AKT3: variants seen among roughly 807,000 people sequenced by gnomAD.
The protein encoded by AKT3 is RAC-gamma serine/threonine-protein kinase.
AKT3 carries 15 observed loss-of-function variants against 65.3 expected under a neutral mutation model. The ratio of observed to expected loss-of-function variants is 0.23; its 90% CI spans 0.15 to 0.35. The LOEUF (loss-of-function observed/expected upper bound fraction) is 0.35, where lower values mean the gene tolerates loss of function less well. Ranked by LOEUF, AKT3 falls within the 10% of genes least tolerant of loss-of-function variation. The pLI is 1.00. For synonymous variants in AKT3, 206 were observed against 183.8 expected, an observed-to-expected ratio of 1.12 and a Z score of -0.98; for missense variants, 243 against 576.5, an observed-to-expected ratio of 0.42 and a Z score of 5.92.
intron 12 of AKT3, among the ~76,000 whole-genome samples, chr1:243,527,922 CACACACACACACACAG>C (rs1365536285): frequency 0.096 from 8,632 of 89,576 alleles, 530 homozygotes; most frequent in Non-Finnish European, 0.12. Flanking sequence ...CACACACACA[CACACACACACACACAG>C]AGAGAGAGAG....
chr1:243,680,947 T>C (rs929127110), intron 3 of AKT3, among the ~76,000 whole-genome samples: 7 of 152,176 alleles, frequency 4.6e-5, no homozygotes, highest in Admixed American at 4.6e-4. Flanking sequence ...CAGACTAGTC[T>C]AGAGGCATGG....
At chr1:243,636,150 T>C (rs1370692532) in intron 6 of AKT3, among the ~76,000 whole-genome samples, 2 of 152,078 alleles carry the variant, frequency 1.3e-5, no homozygotes, top group African/African-American at 2.4e-5. Context: ...TATTTACTGA[T>C]GCTTGATACA....
chr1:243,593,351 T>G (rs114364112), intron 8 of AKT3, among the ~76,000 whole-genome samples: 1,968 of 152,294 alleles, frequency 0.013, 48 homozygotes, highest in African/African-American at 0.045. Flanking sequence ...ATCTCAAGAA[T>G]GAAGACTGGC....
At chr1:243,752,868 G>C (rs138973931) in intron 2 of AKT3, among the ~76,000 whole-genome samples, 2 of 152,136 alleles carry the variant, frequency 1.3e-5, no homozygotes, top group African/African-American at 4.8e-5. Flanking sequence ...ATGAAAGTGT[G>C]GGGGGAAAGG....
chr1:243,642,834 C>T (rs1448626804), intron 5 of AKT3, among the ~76,000 whole-genome samples: 1 of 152,052 alleles, frequency 6.6e-6, no homozygotes, highest in African/African-American at 2.4e-5. Context: ...CACTGTCTAG[C>T]CCACAAATTA....
At chr1:243,680,471 T>C (rs1482514906) in intron 3 of AKT3, among the ~76,000 whole-genome samples, 1 of 152,124 alleles carries the variant, frequency 6.6e-6, no homozygotes, top group East Asian at 1.9e-4. Flanking sequence ...CTTGATTATG[T>C]ATTATTTCCA....
intron 8 of AKT3, among the ~76,000 whole-genome samples, chr1:243,600,025 A>G (rs1458505517): frequency 6.6e-6 from 1 of 152,120 alleles, no homozygotes; most frequent in Non-Finnish European, 1.5e-5. Context: ...TACAAATTGA[A>G]ATTTTTAATA....
At chr1:243,849,989 G>A in intron 1 of AKT3, 51 bp downstream of exon 1, 1 of 976,488 alleles carries the variant, frequency 1.0e-6, no homozygotes, top group Non-Finnish European at 1.2e-6. Flanking sequence ...GGCCCGGAGG[G>A]AGTGGAGGCC....
At chr1:243,753,376 C>T (rs529999722) in intron 2 of AKT3, among the ~76,000 whole-genome samples, 5 of 152,112 alleles carry the variant, frequency 3.3e-5, no homozygotes, top group East Asian at 1.9e-4. Flanking sequence ...TAAAAGCGTA[C>T]GATTTTTCAC....
chr1:243,807,431 C>T (rs1435583786), intron 2 of AKT3, among the ~76,000 whole-genome samples: 6 of 152,172 alleles, frequency 3.9e-5, no homozygotes, highest in South Asian at 4.1e-4. Flanking sequence ...GAGCCTCGCT[C>T]GTTGCTAGCA....
chr1:243,844,843 A>G (rs1487146531), intron 1 of AKT3, among the ~76,000 whole-genome samples: 1 of 152,200 alleles, frequency 6.6e-6, no homozygotes, highest in Non-Finnish European at 1.5e-5. Context: ...AATGAGTTTT[A>G]CAGGGTCATT....
At chr1:243,593,774 C>G (rs1001690230) in intron 8 of AKT3, among the ~76,000 whole-genome samples, 1 of 152,078 alleles carries the variant, frequency 6.6e-6, no homozygotes, top group Non-Finnish European at 1.5e-5. Context: ...GTAAAATATT[C>G]TAGGAATAGG....
intron 6 of AKT3, among the ~76,000 whole-genome samples, chr1:243,630,014 C>A (rs1348919373): frequency 1.3e-5 from 2 of 152,102 alleles, no homozygotes; most frequent in Non-Finnish European, 1.5e-5. Flanking sequence ...CTACACTGAG[C>A]TACTGCCACT....
rs144118215 is a variant in AKT3 at position 243,780,582 on chromosome 1, A to T, written c.46+62543T>A. 3.1e-3 allele frequency among the ~76,000 whole-genome samples: 465 copies of T among 151,406 alleles called. 5 individuals carry two copies. Among genetic ancestry groups the T allele is most frequent in the African/African-American group, 0.011 (441 of 41,440 alleles). ...TTAAGTATTTAAAAATATGTTTAAA[A>T]TCTATATAAATATATTTAAAATATA... On this transcript the variant is annotated intron_variant, in intron 2 of 13. Transcript: ENST00000673466.
chr1:243,551,937 T>A (rs1673094833), intron 11 of AKT3, among the ~76,000 whole-genome samples: 1 of 152,168 alleles, frequency 6.6e-6, no homozygotes, highest in Non-Finnish European at 1.5e-5. Context: ...TGTGTACAAT[T>A]ATTTTTTGCC....
rs1374475452 is a variant in AKT3 at position 243,850,150 on chromosome 1, C to T, written c.-223G>A. The T allele has an allele frequency of 4.9e-5, 8 of 162,592 alleles. No individual in the cohort carries two copies. The highest frequency in any genetic ancestry group is 1.0e-4 in the Non-Finnish European group (8 of 79,096). The allele number at this position is 162,592 out of a possible 1,614,324, so 10.1% of individuals were successfully genotyped here. A position where few individuals can be genotyped will look rare whatever the true frequency, so the allele number is the denominator to read the frequency against. On this transcript the variant is annotated 5_prime_UTR_variant, in exon 1 of 14. Transcript: ENST00000673466. ...AGGGGGCGACTCGGGGGTCCCCCCT[C>T]CCTCCTCCTCCCCTCCTGTCCTCCC...
intron 10 of AKT3, among the ~76,000 whole-genome samples, chr1:243,554,101 C>G (rs1264033152): frequency 6.6e-6 from 1 of 152,024 alleles, no homozygotes; most frequent in Admixed American, 6.6e-5. Flanking sequence ...TTAAAATTTA[C>G]CAATAATCTC....
chr1:243,592,933 G>C (rs1005704619), intron 8 of AKT3, among the ~76,000 whole-genome samples: 1 of 152,140 alleles, frequency 6.6e-6, no homozygotes, highest in Non-Finnish European at 1.5e-5. Flanking sequence ...AAGGCTTGAA[G>C]GAGGAAATAA....
intron 2 of AKT3, among the ~76,000 whole-genome samples, chr1:243,717,293 C>G (rs1443950825): frequency 6.6e-6 from 1 of 152,042 alleles, no homozygotes; most frequent in Non-Finnish European, 1.5e-5. Context: ...AATGTCTTCC[C>G]AAGAGTCATA....
Sources: allele counts gnomAD v4.1 joint callset (sites outside exome capture counted in the v4.1 genomes callset), GRCh38; gene constraint gnomAD v4.1.1; transcripts MANE v1.5; gene names NCBI Gene and HGNC (gene_info 2026-07-23, HGNC 2026-07-21).